NFIA: variants seen among roughly 807,000 people sequenced by gnomAD.
The protein encoded by NFIA is nuclear factor 1 A-type.
A neutral mutation model predicts 62.8 loss-of-function variants in NFIA; 8 were observed. That is an observed-to-expected ratio of 0.13 (90% CI 0.07 to 0.23). The LOEUF is 0.23. Among genes scored for constraint, NFIA ranks in the 10% least tolerant of loss-of-function variants. NFIA has a pLI of 1.00. For missense variants in NFIA, 410 were observed against 642.1 expected, an observed-to-expected ratio of 0.64 and a Z score of 3.91; for synonymous variants, 235 against 238.1, an observed-to-expected ratio of 0.99 and a Z score of 0.12.
chr1:61,377,158 G>A (rs1664188627), intron 6 of NFIA, among the ~76,000 whole-genome samples: 1 of 151,900 alleles, frequency 6.6e-6, no homozygotes. Context: ...GGGAGGCAGA[G>A]GTTGCAGTGA....
chr1:61,127,469 A>G (rs183787590), intron 2 of NFIA, among the ~76,000 whole-genome samples: 84 of 152,194 alleles, frequency 5.5e-4, no homozygotes, highest in African/African-American at 2.0e-3. Context: ...ATTAAAAAAA[A>G]AAAAAGTATT....
chr1:61,342,899 G>A (rs1038077211), intron 4 of NFIA, among the ~76,000 whole-genome samples: 8 of 152,178 alleles, frequency 5.3e-5, no homozygotes, highest in African/African-American at 1.9e-4. Flanking sequence ...TCTCAGCGTA[G>A]TTTCTCATTT....
chr1:61,434,316 A>G (rs886550994), intron 10 of NFIA, among the ~76,000 whole-genome samples: 9 of 152,130 alleles, frequency 5.9e-5, no homozygotes, highest in African/African-American at 2.2e-4. Context: ...CCTCGCAGAG[A>G]TGAGTTACTC....
At chr1:61,230,398 G>A (rs1654599753) in intron 2 of NFIA, among the ~76,000 whole-genome samples, 1 of 152,158 alleles carries the variant, frequency 6.6e-6, no homozygotes, top group South Asian at 2.1e-4. Context: ...AAATATTTCT[G>A]TCAAATCATA....
chr1:61,394,638 G>A (rs757116487), intron 7 of NFIA, among the ~76,000 whole-genome samples: 20 of 152,290 alleles, frequency 1.3e-4, no homozygotes, highest in African/African-American at 3.9e-4. Flanking sequence ...GGAGGCTGGC[G>A]TCTTGCTAGT....
intron 2 of NFIA, among the ~76,000 whole-genome samples, chr1:61,129,212 G>A (rs907345645): frequency 1.7e-4 from 25 of 151,184 alleles, no homozygotes; most frequent in African/African-American, 4.6e-4. Flanking sequence ...GTGAGCCACC[G>A]CGCCCGGCCT....
At chr1:61,187,833 C>T (rs1262591390) in intron 2 of NFIA, among the ~76,000 whole-genome samples, 1 of 152,190 alleles carries the variant, frequency 6.6e-6, no homozygotes, top group Non-Finnish European at 1.5e-5. Flanking sequence ...ACAGCCCCAT[C>T]TCCATTTTCC....
chr1:61,078,275 A>G (rs540528564), upstream of NFIA, among the ~76,000 whole-genome samples: 1 of 151,852 alleles, frequency 6.6e-6, no homozygotes, highest in African/African-American at 2.4e-5. Context: ...AAAAAAAAAA[A>G]GCTGATCGGG....
At chr1:61,389,154 G>A (rs1664843955) in intron 7 of NFIA, among the ~76,000 whole-genome samples, 1 of 152,244 alleles carries the variant, frequency 6.6e-6, no homozygotes, top group East Asian at 1.9e-4. Context: ...AGGCTGATAG[G>A]GTGGCACTTG....
intron 2 of NFIA, among the ~76,000 whole-genome samples, chr1:61,107,302 T>C (rs1646621194): frequency 6.6e-6 from 1 of 151,678 alleles, no homozygotes. Flanking sequence ...TGTAGCAGTA[T>C]ACAAAAAATT....
intron 9 of NFIA, among the ~76,000 whole-genome samples, chr1:61,420,351 A>G (rs929397013): frequency 6.6e-6 from 1 of 151,760 alleles, no homozygotes; most frequent in African/African-American, 2.4e-5. Flanking sequence ...CATTATTTTT[A>G]GAAATGAAAG....
intron 2 of NFIA, among the ~76,000 whole-genome samples, chr1:61,133,404 AC>A (rs1226051118): frequency 1.3e-5 from 2 of 152,180 alleles, no homozygotes; most frequent in African/African-American, 4.8e-5. Flanking sequence ...TATATATTAA[AC>A]TATAGTTATT....
intron 2 of NFIA, among the ~76,000 whole-genome samples, chr1:61,089,695 CTT>C (rs918196815): frequency 2.2e-4 from 24 of 107,756 alleles, no homozygotes; most frequent in African/African-American, 3.2e-4. Flanking sequence ...GTTTTTTTTT[CTT>C]TTTTTTTTTT....
At chr1:61,107,072 G>A (rs1646615960) in intron 2 of NFIA, among the ~76,000 whole-genome samples, 2 of 151,468 alleles carry the variant, frequency 1.3e-5, no homozygotes, top group South Asian at 4.2e-4. Flanking sequence ...GTAATATTCT[G>A]TGATGGATCT....
At chr1:61,100,762 TAAAA>T (rs1381305011) in intron 2 of NFIA, among the ~76,000 whole-genome samples, 1 of 151,860 alleles carries the variant, frequency 6.6e-6, no homozygotes, top group East Asian at 2.0e-4. Context: ...TGGGCTAACT[TAAAA>T]AAATATTTTG....
chr1:61,082,044 C>A (rs1202497396), upstream of NFIA: 7 of 1,546,176 alleles, frequency 4.5e-6, no homozygotes, highest in Non-Finnish European at 5.2e-6. Flanking sequence ...AGTCCTCCAC[C>A]GAGGTCCGCG....
intron 3 of NFIA, among the ~76,000 whole-genome samples, chr1:61,293,062 C>G (rs1489794717): frequency 6.6e-6 from 1 of 152,146 alleles, no homozygotes; most frequent in Non-Finnish European, 1.5e-5. Flanking sequence ...TTGGGCACTT[C>G]AGTAAAGTCT....
chr1:61,234,579 C>T (rs1654878649), intron 2 of NFIA, among the ~76,000 whole-genome samples: 1 of 152,130 alleles, frequency 6.6e-6, no homozygotes, highest in Admixed American at 6.5e-5. Flanking sequence ...TTCATAAATA[C>T]TAGCATATAA....
chr1:61,265,839 C>T (rs1657127915), intron 2 of NFIA, among the ~76,000 whole-genome samples: 1 of 152,162 alleles, frequency 6.6e-6, no homozygotes, highest in Non-Finnish European at 1.5e-5. Context: ...TTAGCCAAGT[C>T]ACTGAAAATA....
Sources: allele counts gnomAD v4.1 joint callset (sites outside exome capture counted in the v4.1 genomes callset), GRCh38; gene constraint gnomAD v4.1.1; transcripts MANE v1.5; gene names NCBI Gene and HGNC (gene_info 2026-07-23, HGNC 2026-07-21).